Variants in SRC observed in about 807,000 individuals in gnomAD.
SRC encodes proto-oncogene tyrosine-protein kinase Src.
SRC carries 13 observed loss-of-function variants against 62.9 expected under a neutral mutation model. That is an observed-to-expected ratio of 0.21 (90% confidence interval 0.13 to 0.33). SRC has a LOEUF of 0.33. SRC is among the 10% of genes least tolerant of loss of function. SRC has a pLI of 1.00. For missense variants in SRC, 457 were observed against 737.3 expected (o/e 0.62, Z 4.40); for synonymous variants, 302 against 317.5 (o/e 0.95, Z 0.52).
intron 1 of SRC, among the ~76,000 whole-genome samples, chr20:37,357,259 C>T (rs1487040968): frequency 6.6e-6 from 1 of 152,220 alleles, no homozygotes; most frequent in Non-Finnish European, 1.5e-5. Context: ...GGGTGGGAAA[C>T]GAAAGTCGGG....
At chr20:37,373,387 A>ATATATACG (rs1568628577) in intron 2 of SRC, among the ~76,000 whole-genome samples, 3 of 145,886 alleles carry the variant, frequency 2.1e-5, no homozygotes, top group African/African-American at 5.3e-5. Flanking sequence ...TACATTATAC[A>ATATATACG]CATATATGCG....
chr20:37,380,655 G>A (rs1034439783), intron 2 of SRC, among the ~76,000 whole-genome samples: 4 of 152,148 alleles, frequency 2.6e-5, no homozygotes, highest in African/African-American at 9.7e-5. Context: ...AGCACCTAGT[G>A]GGTGTCAGGC....
chr20:37,373,318 G>A (rs566691693), intron 2 of SRC, among the ~76,000 whole-genome samples: 102 of 150,074 alleles, frequency 6.8e-4, no homozygotes, highest in Non-Finnish European at 1.1e-3. Flanking sequence ...CATTACATAT[G>A]TACACACATA....
At chr20:37,373,321 C>G (rs74892128) in intron 2 of SRC, among the ~76,000 whole-genome samples, 31,022 of 147,996 alleles carry the variant, frequency 0.21, 4,732 homozygotes, top group African/African-American at 0.44. Flanking sequence ...TACATATGTA[C>G]ACACATACAC....
intron 2 of SRC, among the ~76,000 whole-genome samples, chr20:37,373,496 A>T (rs758910373): frequency 6.7e-6 from 1 of 149,066 alleles, no homozygotes. Flanking sequence ...TTTTTTGTGG[A>T]TATGAGGTTT....
At chr20:37,360,218 C>CTTTTTTTTTTTTTTTTTT (rs61476973) in intron 1 of SRC, among the ~76,000 whole-genome samples, 12 of 105,630 alleles carry the variant, frequency 1.1e-4, no homozygotes, top group African/African-American at 2.9e-4. Flanking sequence ...CTCTCTCTCT[C>CTTTTTTTTTTTTTTTTTT]TTTTTTTTTT....
At chr20:37,401,804 C>G (rs2070742073) in intron 11 of SRC, 126 bp downstream of exon 11, 1 of 613,886 alleles carries the variant, frequency 1.6e-6, no homozygotes, top group African/African-American at 1.9e-5. Flanking sequence ...TCCACACTCA[C>G]TGATCTTGCC....
Position 37,403,231 on chromosome 20 carries a change from C to A in SRC, c.1463C>A (p.Pro488Gln). ...CGGGGCTACCGGATGCCCTGCCCGC[C>A]GGAGTGTCCCGAGTCCCTGCACGAC... is the stretch of plus-strand genomic sequence containing the variant. ...VERGYRMPCP[P>Q]ECPESLHDLM... Residue 488 changes from proline to glutamine, a missense_variant, in exon 14 of 14, where the codon CCG becomes CAG. Pro to Gln is a moderately conservative substitution (Grantham distance 76). This residue lies in a region of SRC where 168 missense variants were observed against 357.8 expected (regional missense o/e 0.47). Transcript: ENST00000373578. This position sits in a 1 kb window ranked among gnomAD's most constrained non-coding sequence, Gnocchi z 7.1. 1 of 1,579,598 alleles carries A rather than the reference C, an allele frequency of 6.3e-7. No homozygotes were observed. The highest frequency in any genetic ancestry group is 2.3e-5 in the East Asian group (1 of 43,250).
At chr20:37,376,275 G>C (rs1053227863) in intron 2 of SRC, among the ~76,000 whole-genome samples, 5 of 152,238 alleles carry the variant, frequency 3.3e-5, no homozygotes, top group Admixed American at 6.5e-5. Flanking sequence ...CTGCAAAAGA[G>C]GGCAAGTGTC....
intron 1 of SRC, among the ~76,000 whole-genome samples, chr20:37,356,908 G>A (rs1187012390): frequency 6.6e-6 from 1 of 152,202 alleles, no homozygotes; most frequent in African/African-American, 2.4e-5. Flanking sequence ...CTTGGCCTTT[G>A]AGAGCCTCAG....
chr20:37,383,543 CA>C (rs1348991774), intron 3 of SRC: 12 of 152,540 alleles, frequency 7.9e-5, no homozygotes, highest in Middle Eastern at 3.4e-3. Context: ...AACAGTGACT[CA>C]GGGGGAGGTG....
At chr20:37,369,862 C>T (rs983407978) in intron 2 of SRC, among the ~76,000 whole-genome samples, 4 of 151,712 alleles carry the variant, frequency 2.6e-5, no homozygotes, top group Admixed American at 6.6e-5. Context: ...TGCAGTGGTG[C>T]GATCTTGGCT....
chr20:37,391,808 C>G (rs183414121), intron 5 of SRC, among the ~76,000 whole-genome samples: 2 of 152,090 alleles, frequency 1.3e-5, no homozygotes, highest in African/African-American at 2.4e-5. Flanking sequence ...GAGCCGAGAT[C>G]GCGCTGTTGC....
Position 37,396,081 on chromosome 20 carries a change from G to A in SRC, c.554-81G>A. On this transcript the variant is annotated intron_variant, in intron 7 of 13. Transcript: ENST00000373578. The surrounding 1 kb of genome is among the most constrained non-coding windows in gnomAD (Gnocchi z 6.1). ...GGGCCTCCCTTCCCTCCAATGTCAG[G>A]CAGGCACAGAACGGTGTCCAGAGCA... 6.5e-7 allele frequency: 1 copy of A among 1,545,838 alleles called. No individual in the cohort carries two copies. Among genetic ancestry groups the A allele is most frequent in the Non-Finnish European group, 8.7e-7 (1 of 1,145,928 alleles).
intron 5 of SRC, 97 bp from the exon 6 acceptor site, chr20:37,393,798 C>T: frequency 2.2e-6 from 2 of 907,768 alleles, no homozygotes; most frequent in Non-Finnish European, 3.5e-6. Flanking sequence ...CCCTCAGCCA[C>T]TAGAGCCCTG....
At chr20:37,372,470 T>A (rs2070181164) in intron 2 of SRC, among the ~76,000 whole-genome samples, 1 of 152,224 alleles carries the variant, frequency 6.6e-6, no homozygotes, top group African/African-American at 2.4e-5. Flanking sequence ...TGTTTAGTTT[T>A]CACATATTTT....
intron 1 of SRC, among the ~76,000 whole-genome samples, chr20:37,359,640 T>G (rs2069935565): frequency 6.7e-6 from 1 of 149,574 alleles, no homozygotes; most frequent in Admixed American, 6.7e-5. Flanking sequence ...GGGAACAGAG[T>G]GAGAAAGGGG....
In SRC at chr20:37,405,111, T is replaced by C. The variant is rs981523555; in HGVS notation, c.*1732T>C. The C allele has an allele frequency of 8.6e-6, 2 of 233,182 alleles. No homozygotes were observed. The highest frequency in any genetic ancestry group is 2.2e-5 in the African/African-American group (1 of 45,276). The allele number at this position is 233,182 out of a possible 1,614,324, so 14.4% of individuals were successfully genotyped here. A position where few individuals can be genotyped will look rare whatever the true frequency, so the allele number is the denominator to read the frequency against. ...TTTCAACTTTTCCTTTCATACGTCT[T>C]TATTACCCAAGTCTTCTCCCGTCCA... On this transcript the variant is annotated 3_prime_UTR_variant, in exon 14 of 14. Coordinates refer to ENST00000373578, the MANE Select transcript of SRC (RefSeq NM_198291.3).
rs1451539597 is a variant in SRC at position 37,382,762 on chromosome 20, T to C, written c.-29T>C. On this transcript the variant is annotated 5_prime_UTR_variant, in exon 3 of 14. Transcript: ENST00000373578. Reference sequence around the variant, plus strand: ...ACCCCAGGCTGCCTCCCAGGTCCTCTGGGACAGCCCCTGCCTTCTACCAGG... The same window carrying C: ...ACCCCAGGCTGCCTCCCAGGTCCTCCGGGACAGCCCCTGCCTTCTACCAGG... 6.6e-6 allele frequency: 1 copy of C among 152,180 alleles called. No homozygotes were observed. Among genetic ancestry groups the C allele is most frequent in the African/African-American group, 2.4e-5 (1 of 41,426 alleles). The allele number at this position is 152,180 out of a possible 1,614,324, so 9.4% of individuals were successfully genotyped here.
Sources: allele counts gnomAD v4.1 joint callset (sites outside exome capture counted in the v4.1 genomes callset), GRCh38; gene constraint gnomAD v4.1.1; regional missense constraint gnomAD v4.1.1; non-coding constraint Gnocchi (gnomAD v3.1); transcripts MANE v1.5; gene names NCBI Gene and HGNC (gene_info 2026-07-23, HGNC 2026-07-21).